The following TMEM35A variants were observed in gnomAD, a reference collection of about 807,000 sequenced individuals.
TMEM35A encodes the protein transmembrane protein 35A.
For missense variants in TMEM35A, 83 were observed against 132.7 expected, an observed-to-expected ratio of 0.63 and a Z score of 1.84; for synonymous variants, 50 against 54.7, an observed-to-expected ratio of 0.91 and a Z score of 0.38.
At chrX:101,085,964 T>A (rs1054460703) in intron 1 of TMEM35A, among the ~76,000 whole-genome samples, 11 of 111,197 alleles carry the variant, frequency 9.9e-5, no homozygotes, top group Admixed American at 9.6e-4. Flanking sequence ...AAATAAAATT[T>A]AAAAATAACA....
At chrX:101,092,368 T>C (rs551246579) in intron 1 of TMEM35A, among the ~76,000 whole-genome samples, 3 of 111,780 alleles carry the variant, frequency 2.7e-5, no homozygotes, top group South Asian at 7.4e-4. Context: ...GATCTGTAAC[T>C]CTAAGATCAA....
At chrX:101,089,011 T>G (rs1405013050) in intron 1 of TMEM35A, among the ~76,000 whole-genome samples, 3 of 110,753 alleles carry the variant, frequency 2.7e-5, no homozygotes, top group Non-Finnish European at 5.7e-5. Flanking sequence ...TGGCATGTAT[T>G]TAGGTTAATG....
At chrX:101,093,155 T>G (rs2089328960) in intron 1 of TMEM35A, among the ~76,000 whole-genome samples, 1 of 112,178 alleles carries the variant, frequency 8.9e-6, no homozygotes, top group African/African-American at 3.2e-5. Context: ...TTTACCATAC[T>G]GTGCCTTACC....
At chrX:101,083,978 C>T (rs1201653533) in intron 1 of TMEM35A, among the ~76,000 whole-genome samples, 2 of 109,632 alleles carry the variant, frequency 1.8e-5, no homozygotes, top group Non-Finnish European at 1.9e-5. Flanking sequence ...TAGAATAGGT[C>T]GGGAGTTCAA....
intron 1 of TMEM35A, among the ~76,000 whole-genome samples, chrX:101,084,188 CAAAAAAAAAAAAAA>C (rs746718674): frequency 3.1e-5 from 1 of 32,306 alleles, no homozygotes; most frequent in Non-Finnish European, 6.0e-5. Flanking sequence ...AACTCCATCT[CAAAAAAAAAAAAAA>C]AAAAAAAAAA....
rs562963624 is a variant in TMEM35A, at chrX:101,092,898, T to G, written c.121-1675T>G. Among the ~76,000 whole-genome samples, 611 of 110,812 alleles carry G rather than the reference T, an allele frequency of 5.5e-3. 2 individuals are homozygous for G. Among genetic ancestry groups the G allele is most frequent in the Middle Eastern group, 9.5e-3 (2 of 210 alleles). On this transcript the variant is annotated intron_variant, in intron 1 of 1. Transcript: ENST00000372930. ...ATAAATAAATAAAATAAAATAAAAT[T>G]TAAGGAATGAAGCTAGCCAAAGTAG...
chrX:101,089,724 C>T (rs1206899801), intron 1 of TMEM35A, among the ~76,000 whole-genome samples: 1 of 104,684 alleles, frequency 9.6e-6, no homozygotes, highest in African/African-American at 3.6e-5. Context: ...CACTGCACTC[C>T]AGCCTCAGTG....
intron 1 of TMEM35A, among the ~76,000 whole-genome samples, chrX:101,090,789 C>T (rs2089321673): frequency 9.0e-6 from 1 of 110,909 alleles, no homozygotes; most frequent in Non-Finnish European, 1.9e-5. Context: ...CTTGACTCTT[C>T]CCTTTCCCTC....
At chrX:101,088,448 CA>C (rs1219321960) in intron 1 of TMEM35A, among the ~76,000 whole-genome samples, 1 of 109,937 alleles carries the variant, frequency 9.1e-6, no homozygotes, top group African/African-American at 3.3e-5. Context: ...CCAGTCTCTA[CA>C]AAAAAACTTA....
At chrX:101,086,426 G>T (rs935844238) in intron 1 of TMEM35A, among the ~76,000 whole-genome samples, 4 of 112,182 alleles carry the variant, frequency 3.6e-5, no homozygotes, top group Non-Finnish European at 7.5e-5. Flanking sequence ...CGGCCTAATT[G>T]TGTGGTTCAT....
intron 1 of TMEM35A, 87 bp from the exon 2 acceptor site, chrX:101,094,486 G>T: frequency 1.0e-6 from 1 of 972,342 alleles, no homozygotes; most frequent in Non-Finnish European, 1.4e-6. Context: ...TGGTGTGAAA[G>T]GGGAGAGGAC....
chrX:101,080,290 G>A (rs113501408), intron 1 of TMEM35A, among the ~76,000 whole-genome samples: 1 of 111,735 alleles, frequency 8.9e-6, no homozygotes, highest in African/African-American at 3.3e-5. Flanking sequence ...CCACTGCAGA[G>A]CTTTCCAGGG....
Position 101,078,934 on chromosome X carries a change from C to G in TMEM35A, c.-69C>G. 1 of 1,195,214 alleles carries G rather than the reference C, an allele frequency of 8.4e-7. No individual in the cohort carries two copies. Among genetic ancestry groups the G allele is most frequent in the Non-Finnish European group, 1.1e-6 (1 of 884,096 alleles). ...GTCCCCCCAGCTCTCCCTGTGCTAA[C>G]TGCCTGCACCTTGGACAGAGCGGGT... On this transcript the variant is annotated 5_prime_UTR_variant, in exon 1 of 2. Transcript: ENST00000372930.
At chrX:101,085,835 G>A (rs2089305775) in intron 1 of TMEM35A, among the ~76,000 whole-genome samples, 1 of 109,826 alleles carries the variant, frequency 9.1e-6, no homozygotes, top group Admixed American at 9.8e-5. Context: ...TACTCAGGAG[G>A]CTGAGGCTGG....
intron 1 of TMEM35A, among the ~76,000 whole-genome samples, chrX:101,080,101 G>A (rs1434498482): frequency 4.5e-5 from 5 of 111,489 alleles, no homozygotes. Context: ...GCTGCTTCTC[G>A]TCGCCTTTGC....
intron 1 of TMEM35A, among the ~76,000 whole-genome samples, chrX:101,085,892 G>A (rs867280343): frequency 3.0e-4 from 33 of 110,224 alleles, no homozygotes; most frequent in Non-Finnish European, 4.0e-4. Context: ...AGCCAAGATC[G>A]CGCCACTGCA....
chrX:101,084,253 A>G (rs926316214), intron 1 of TMEM35A, among the ~76,000 whole-genome samples: 3 of 109,401 alleles, frequency 2.7e-5, no homozygotes, highest in Admixed American at 1.0e-4. Flanking sequence ...GCAATTAAAT[A>G]TGTAATGGCT....
At chrX:101,082,320 G>A (rs1316458348) in intron 1 of TMEM35A, among the ~76,000 whole-genome samples, 1 of 102,369 alleles carries the variant, frequency 9.8e-6, no homozygotes, top group Non-Finnish European at 2.0e-5. Flanking sequence ...AAAGAGTGCA[G>A]GCTTTATGGT....
intron 1 of TMEM35A, among the ~76,000 whole-genome samples, chrX:101,092,077 T>C (rs998210048): frequency 4.5e-5 from 5 of 111,237 alleles, no homozygotes; most frequent in Non-Finnish European, 9.4e-5. Context: ...AACTTCAAGC[T>C]TCAGGAAGAC....
Sources: allele counts gnomAD v4.1 joint callset (sites outside exome capture counted in the v4.1 genomes callset), GRCh38; gene constraint gnomAD v4.1.1; transcripts MANE v1.5; gene names NCBI Gene and HGNC (gene_info 2026-07-23, HGNC 2026-07-21).